The following ZNF462 variants were observed in gnomAD, a reference collection of about 807,000 sequenced individuals.
ZNF462 encodes the protein zinc finger protein 462.
ZNF462 carries 10 observed loss-of-function variants against 201.9 expected under a neutral mutation model. The ratio of observed to expected loss-of-function variants is 0.05; its 90% CI spans 0.03 to 0.08. The LOEUF is 0.08. Ranked by LOEUF, ZNF462 falls within the 10% of genes least tolerant of loss-of-function variation. The probability of loss-of-function intolerance (pLI) is 1.00; values close to 1 mark genes in which losing one functional copy is unlikely to be tolerated. For missense variants in ZNF462, 2,523 were observed against 3,168.3 expected, an observed-to-expected ratio of 0.80 and a Z score of 4.89; for synonymous variants, 1,227 against 1,193.3, an observed-to-expected ratio of 1.03 and a Z score of -0.58.
In ZNF462 at chr9:106,993,679, C is replaced by G. The variant is rs1050786040; in HGVS notation, c.7056+9270C>G. 4.0e-5 allele frequency among the ~76,000 whole-genome samples: 6 copies of G among 150,762 alleles called. No homozygotes were observed. Among genetic ancestry groups the G allele is most frequent in the African/African-American group, 4.9e-5 (2 of 40,996 alleles). On this transcript the variant is annotated intron_variant, in intron 10 of 12. Transcript: ENST00000277225. This position sits in a 1 kb window ranked among gnomAD's most constrained non-coding sequence, Gnocchi z 4.0. ...TCTCTGTCCCCCAACATTCTACCCC[C>G]CAACACACATAGTGAATTATTTATC...
At chr9:106,868,927 G>A (rs1458326626) in intron 1 of ZNF462, among the ~76,000 whole-genome samples, 1 of 152,160 alleles carries the variant, frequency 6.6e-6, no homozygotes, top group Non-Finnish European at 1.5e-5. Flanking sequence ...AGGGTTGAGC[G>A]TGGTTTCATT....
chr9:106,864,357 G>A (rs1000337338), intron 1 of ZNF462, among the ~76,000 whole-genome samples: 2 of 152,016 alleles, frequency 1.3e-5, no homozygotes, highest in African/African-American at 2.4e-5. Flanking sequence ...TCTGAGGAAG[G>A]GAGAAAGGAA....
chr9:106,957,075 A>G (rs1213459563), intron 7 of ZNF462, among the ~76,000 whole-genome samples: 2 of 152,160 alleles, frequency 1.3e-5, no homozygotes, highest in South Asian at 2.1e-4. Flanking sequence ...GTTTGGCACA[A>G]GAGGCCTGGT....
In ZNF462 at chr9:106,902,078, A is replaced by C. The variant is rs1829087238; in HGVS notation, c.-30-21276A>C. 1.3e-5 allele frequency among the ~76,000 whole-genome samples: 2 copies of C among 152,040 alleles called. No individual in the cohort carries two copies. Among genetic ancestry groups the C allele is most frequent in the Non-Finnish European group, 2.9e-5 (2 of 67,972 alleles). On this transcript the variant is annotated intron_variant, in intron 1 of 12. Transcript: ENST00000277225. This position sits in a 1 kb window ranked among gnomAD's most constrained non-coding sequence, Gnocchi z 4.2. ...GTTTGTCATAGATGGCTTTTATTAC[A>C]TTAAGGTATGTCTCTCGTATGCTGA... is the stretch of plus-strand genomic sequence containing the variant.
chr9:106,947,665 T>G (rs556556460), intron 7 of ZNF462, among the ~76,000 whole-genome samples: 2 of 152,206 alleles, frequency 1.3e-5, no homozygotes, highest in African/African-American at 4.8e-5. Context: ...TTAATCTCAT[T>G]TGAAAGAGAA....
chr9:106,950,964 C>T lies in ZNF462; in HGVS notation c.6427+11857C>T, dbSNP rs576327658. The stretch of plus-strand genomic sequence containing the variant: ...AATTAGCCAGGCTTGGTGGCGAGCG[C>T]CTGTAATTCCAGCCACTCCGGAGGC... On this transcript the variant is annotated intron_variant, in intron 7 of 12. Transcript: ENST00000277225. This position sits in a 1 kb window ranked among gnomAD's most constrained non-coding sequence, Gnocchi z 4.1. 6.6e-6 allele frequency among the ~76,000 whole-genome samples: 1 copy of T among 152,090 alleles called. No individual in the cohort carries two copies. Among genetic ancestry groups the T allele is most frequent in the African/African-American group, 2.4e-5 (1 of 41,486 alleles).
At chr9:106,864,498 C>T (rs1392219824) in intron 1 of ZNF462, among the ~76,000 whole-genome samples, 1 of 152,114 alleles carries the variant, frequency 6.6e-6, no homozygotes. Flanking sequence ...ATCTCCCTGT[C>T]CTCCATTTGC....
chr9:106,974,305 A>G lies in ZNF462; in HGVS notation c.6832+32A>G. ...TTTCTAACTTGGTTTTCTTGGATGCAGCGGGGGGCAGGCAGCAGAGATGGC... is the reference window on the plus strand; with the variant it reads ...TTTCTAACTTGGTTTTCTTGGATGCGGCGGGGGGCAGGCAGCAGAGATGGC... On this transcript the variant is annotated intron_variant, in intron 9 of 12. Transcript: ENST00000277225. The surrounding 1 kb of genome is among the most constrained non-coding windows in gnomAD (Gnocchi z 4.0). 1.2e-6 allele frequency: 2 copies of G among 1,613,982 alleles called. No homozygotes were observed. The highest frequency in any genetic ancestry group is 1.7e-6 in the Non-Finnish European group (2 of 1,179,866).
intron 1 of ZNF462, among the ~76,000 whole-genome samples, chr9:106,894,658 C>CTGT (rs1828735419): frequency 6.6e-6 from 1 of 152,158 alleles, no homozygotes; most frequent in South Asian, 2.1e-4. Flanking sequence ...TAGGTCTGTG[C>CTGT]TGTCCAGTGT....
chr9:106,936,545 A>C (rs958959798), intron 6 of ZNF462, among the ~76,000 whole-genome samples: 4 of 152,198 alleles, frequency 2.6e-5, no homozygotes, highest in Admixed American at 2.6e-4. Context: ...CTCAAACTCC[A>C]CTAGGAGTAA....
chr9:106,910,798 A>G (rs759898966), intron 1 of ZNF462, among the ~76,000 whole-genome samples: 2 of 152,206 alleles, frequency 1.3e-5, no homozygotes, highest in Non-Finnish European at 2.9e-5. Context: ...GTTAGCCTAA[A>G]GCATATATCC....
At chr9:106,979,796 A>C (rs996488243) in intron 9 of ZNF462, among the ~76,000 whole-genome samples, 2 of 152,332 alleles carry the variant, frequency 1.3e-5, no homozygotes, top group Non-Finnish European at 2.9e-5. Context: ...GTGAGCCTTA[A>C]AAACTGGCCA....
chr9:106,918,662 A>G (rs1466624094), intron 1 of ZNF462, among the ~76,000 whole-genome samples: 2 of 152,212 alleles, frequency 1.3e-5, no homozygotes, highest in African/African-American at 2.4e-5. Flanking sequence ...GGGGCTTGCA[A>G]CTGAAAATAT....
At chr9:106,980,969 C>G (rs760526879) in intron 9 of ZNF462, among the ~76,000 whole-genome samples, 2 of 152,198 alleles carry the variant, frequency 1.3e-5, no homozygotes, top group Non-Finnish European at 1.5e-5. Context: ...TTATGTCTTT[C>G]ATTTGCCTCA....
At position 106,917,363 on chromosome 9, in the gene ZNF462, A is replaced by G. The variant is rs575574567; in HGVS notation, c.-30-5991A>G. Among the ~76,000 whole-genome samples the G allele has an allele frequency of 3.8e-4, 58 of 152,352 alleles. No individual in the cohort carries two copies. Among genetic ancestry groups the G allele is most frequent in the African/African-American group, 1.3e-3 (53 of 41,584 alleles). Reference sequence around the variant, plus strand: ...AACCTGAAGGCTAGCATCCTTGGCCAGTAGGTGATTGGGTTATTAATCTGC... The same window carrying G: ...AACCTGAAGGCTAGCATCCTTGGCCGGTAGGTGATTGGGTTATTAATCTGC... On this transcript the variant is annotated intron_variant, in intron 1 of 12. Transcript: ENST00000277225. The surrounding 1 kb of genome is among the most constrained non-coding windows in gnomAD (Gnocchi z 4.5).
Position 106,924,535 on chromosome 9 carries a change from C to T in ZNF462, c.623C>T (p.Pro208Leu), listed in dbSNP as rs199521620. 67 of 1,614,020 alleles carry T rather than the reference C, an allele frequency of 4.2e-5. No homozygotes were observed. Among genetic ancestry groups the T allele is most frequent in the Middle Eastern group, 1.6e-4 (1 of 6,084 alleles). The change falls in exon 3 of 13, where the codon CCG becomes CTG. Residue 208 changes from proline (P) to leucine (L), a missense_variant. This residue lies in a region of ZNF462 where 480 missense variants were observed against 544.4 expected (regional missense o/e 0.88). Transcript: ENST00000277225. This position sits in a 1 kb window ranked among gnomAD's most constrained non-coding sequence, Gnocchi z 6.2. Reference protein sequence around the residue: ...APAPMPDPVVPPVSLQDPCKE... With the variant: ...APAPMPDPVVLPVSLQDPCKE... ...GCTCCAATGCCAGACCCTGTGGTTC[C>T]GCCCGTATCACTGCAGGACCCCTGC...
In ZNF462 at chr9:106,927,423, G is replaced by A. The variant is rs1468407217; in HGVS notation, c.3511G>A (p.Ala1171Thr). The A allele has an allele frequency of 8.6e-6, 10 of 1,166,710 alleles. No homozygotes were observed. Among genetic ancestry groups the A allele is most frequent in the South Asian group, 2.4e-5 (2 of 83,286 alleles). The allele number at this position is 1,166,710 out of a possible 1,614,324, so 72.3% of individuals were successfully genotyped here. The change falls in exon 3 of 13, where the codon GCC becomes ACC. Residue 1171 changes from alanine to threonine, a missense_variant. Coordinates refer to ENST00000277225, the MANE Select transcript of ZNF462 (RefSeq NM_021224.6). ...EGPQGSPRPP[A>T]PIQQLNRSSS... ...GCCCCAAGGCTCCCCCCGGCCACCC[G>A]CCCCCATACAACAGCTGAACCGAAG... is the stretch of plus-strand genomic sequence containing the variant.
At chr9:106,896,701 A>G (rs191255430) in intron 1 of ZNF462, among the ~76,000 whole-genome samples, 1 of 152,318 alleles carries the variant, frequency 6.6e-6, no homozygotes, top group African/African-American at 2.4e-5. Context: ...CGACTGATTG[A>G]TGAAATATTT....
rs1361034159 is a variant in ZNF462, at chr9:106,962,036, T to C, written c.6428-9969T>C. ...ATCGGCCTGGAAAGATGAAGGAGAG[T>C]GTGAGCCCCATGGTTCAGAGTTTGG... is the stretch of plus-strand genomic sequence containing the variant. On this transcript the variant is annotated intron_variant, in intron 7 of 12. Transcript: ENST00000277225. The surrounding 1 kb of genome is among the most constrained non-coding windows in gnomAD (Gnocchi z 4.6). 1.3e-5 allele frequency among the ~76,000 whole-genome samples: 2 copies of C among 150,720 alleles called. No homozygotes were observed. Among genetic ancestry groups the C allele is most frequent in the East Asian group, 2.0e-4 (1 of 5,112 alleles).
Sources: gnomAD v4.1 joint callset for allele counts (sites outside exome capture counted in the v4.1 genomes callset) on GRCh38, gnomAD v4.1.1 for gene constraint, gnomAD v4.1.1 regional missense constraint, Gnocchi (gnomAD v3.1) non-coding constraint, MANE v1.5 for transcripts, NCBI Gene and HGNC (gene_info 2026-07-23, HGNC 2026-07-21) for gene names.